CSMD1: variants seen among roughly 807,000 people sequenced by gnomAD.
CSMD1 encodes the protein CUB and Sushi multiple domains 1.
Under a neutral mutation model 417.5 loss-of-function variants are expected in CSMD1, and 213 were observed. The observed-to-expected ratio is 0.51, with a 90% CI of 0.46 to 0.57. CSMD1 has a LOEUF of 0.57. Among genes scored for constraint, CSMD1 ranks in the 20% least tolerant of loss-of-function variants. The pLI is 0.00. For missense variants in CSMD1, 6,923 were observed against 4,529.7 expected (o/e 1.53, Z -15.17); for synonymous variants, 2,862 against 1,736.8 (o/e 1.65, Z -16.11).
chr8:3,563,113 T>C (rs1799540722), intron 10 of CSMD1, among the ~76,000 whole-genome samples: 1 of 152,102 alleles, frequency 6.6e-6, no homozygotes, highest in South Asian at 2.1e-4. Context: ...TTTATAAATA[T>C]TTTCAAGAAT....
chr8:4,824,897 G>A (rs1479258812), intron 1 of CSMD1, among the ~76,000 whole-genome samples: 1 of 152,072 alleles, frequency 6.6e-6, no homozygotes, highest in Non-Finnish European at 1.5e-5. Flanking sequence ...AGGGTAATGG[G>A]CTGTTACTGC....
At chr8:4,866,522 A>T (rs532383517) in intron 1 of CSMD1, among the ~76,000 whole-genome samples, 4 of 151,864 alleles carry the variant, frequency 2.6e-5, no homozygotes, top group Admixed American at 6.6e-5. Flanking sequence ...TCCCCACAAC[A>T]TAAGTGTTAT....
intron 40 of CSMD1, among the ~76,000 whole-genome samples, chr8:3,145,509 T>A (rs1223188263): frequency 1.3e-5 from 2 of 152,174 alleles, no homozygotes; most frequent in Admixed American, 6.5e-5. Context: ...TGATTTGGAA[T>A]TCAGTTTGAA....
rs543648492 is a variant in CSMD1, at chr8:4,532,006, C to G, written c.302+105336G>C. 3.4e-5 allele frequency among the ~76,000 whole-genome samples: 5 copies of G among 148,550 alleles called. No individual in the cohort carries two copies. The South Asian group carries it at 1.1e-3, about 33-fold the overall frequency. Reference sequence around the variant, plus strand: ...GAAAGAGAAATCCTGCACCCCCATTCAGTCACTCCGGAAGAGAAATCCTGC... The same window carrying G: ...GAAAGAGAAATCCTGCACCCCCATTGAGTCACTCCGGAAGAGAAATCCTGC... On this transcript the variant is annotated intron_variant, in intron 2 of 69. Coordinates refer to ENST00000635120, the MANE Select transcript of CSMD1 (RefSeq NM_033225.6).
intron 3 of CSMD1, among the ~76,000 whole-genome samples, chr8:4,126,676 T>A (rs546507740): frequency 1.3e-5 from 2 of 152,190 alleles, no homozygotes; most frequent in African/African-American, 4.8e-5. Context: ...ATTCTGAGGG[T>A]TTATTAATCA....
chr8:3,078,860 G>A (rs1303656294), intron 49 of CSMD1, among the ~76,000 whole-genome samples: 1 of 152,132 alleles, frequency 6.6e-6, no homozygotes, highest in African/African-American at 2.4e-5. Context: ...ACACTCCTGG[G>A]TGCAGACATG....
intron 2 of CSMD1, among the ~76,000 whole-genome samples, chr8:4,436,216 A>G (rs1053967646): frequency 4.6e-5 from 7 of 152,186 alleles, no homozygotes; most frequent in Admixed American, 1.3e-4. Context: ...TATGCCTCAT[A>G]TTAACTTATT....
intron 5 of CSMD1, among the ~76,000 whole-genome samples, chr8:3,805,711 C>A (rs1223362320): frequency 6.6e-6 from 1 of 152,012 alleles, no homozygotes; most frequent in Non-Finnish European, 1.5e-5. Context: ...TCCTATCTTT[C>A]TTCTTTTTTT....
At chr8:4,399,390 C>T (rs1804492153) in intron 3 of CSMD1, among the ~76,000 whole-genome samples, 8 of 152,172 alleles carry the variant, frequency 5.3e-5, no homozygotes, top group Admixed American at 5.2e-4. Context: ...GAGTTTCAAA[C>T]ATAGGCAAGG....
chr8:3,351,871 A>G (rs1284420822), intron 21 of CSMD1, among the ~76,000 whole-genome samples: 1 of 151,840 alleles, frequency 6.6e-6, no homozygotes, highest in East Asian at 1.9e-4. Flanking sequence ...GACGATTAAC[A>G]TAGAATCACA....
Position 3,861,326 on chromosome 8 carries a change from A to G in CSMD1, c.819-107284T>C, listed in dbSNP as rs919300118. 1.6e-4 allele frequency among the ~76,000 whole-genome samples: 24 copies of G among 152,230 alleles called. 1 individual carries two copies. The highest frequency in any genetic ancestry group is 5.1e-4 in the African/African-American group (21 of 41,454). ...ACATGAATATTTTATCTTGGCTGGC[A>G]TAACTGCCGGGCTCCACAACTCTGA... On this transcript the variant is annotated intron_variant, in intron 5 of 69. Transcript: ENST00000635120.
rs574619538 is a variant in CSMD1 at position 4,601,194 on chromosome 8, A to G, written c.302+36148T>C. ...GGTCTCGAACTCCTAACCTCAGATG[A>G]TCCCCCACACTTTGGCCGCCCAAAG... On this transcript the variant is annotated intron_variant, in intron 2 of 69. Transcript: ENST00000635120. Among the ~76,000 whole-genome samples, 4 of 152,174 alleles carry G rather than the reference A, an allele frequency of 2.6e-5. No individual in the cohort carries two copies. The South Asian group carries it at 8.3e-4, about 32-fold the overall frequency.
intron 2 of CSMD1, among the ~76,000 whole-genome samples, chr8:4,612,086 G>C (rs548490311): frequency 6.6e-6 from 1 of 152,110 alleles, no homozygotes; most frequent in Non-Finnish European, 1.5e-5. Flanking sequence ...AAGAGTGCTG[G>C]GAAGAGGAGG....
chr8:3,323,234 C>G (rs183222901), intron 23 of CSMD1, among the ~76,000 whole-genome samples: 4 of 152,332 alleles, frequency 2.6e-5, no homozygotes, highest in Admixed American at 2.0e-4. Flanking sequence ...AAACCTAACA[C>G]AAATGACAAG....
chr8:4,441,653 G>C lies in CSMD1; in HGVS notation c.303-21588C>G, dbSNP rs74299153. 3.6e-3 allele frequency among the ~76,000 whole-genome samples: 541 copies of C among 152,184 alleles called. 26 individuals carry two copies. In the East Asian group the frequency reaches 0.093, roughly 26 times the overall value. On this transcript the variant is annotated intron_variant, in intron 2 of 69. Coordinates refer to ENST00000635120, the MANE Select transcript of CSMD1 (RefSeq NM_033225.6). ...GTATTTAATTTTATTTCACAGAAAA[G>C]TCACATTTTTTTCTAAAATATTTAC...
chr8:3,454,355 A>G (rs1177604592), intron 12 of CSMD1, among the ~76,000 whole-genome samples: 1 of 152,168 alleles, frequency 6.6e-6, no homozygotes, highest in Non-Finnish European at 1.5e-5. Context: ...TTCAGTTATT[A>G]TGATGTTAGC....
chr8:3,336,880 G>C (rs1461279916), intron 23 of CSMD1, among the ~76,000 whole-genome samples: 1 of 152,168 alleles, frequency 6.6e-6, no homozygotes, highest in Non-Finnish European at 1.5e-5. Context: ...GAGATGGTCA[G>C]ATCCTAGTCC....
At chr8:4,360,618 T>C (rs1267863958) in intron 3 of CSMD1, among the ~76,000 whole-genome samples, 2 of 149,890 alleles carry the variant, frequency 1.3e-5, no homozygotes, top group African/African-American at 5.1e-5. Flanking sequence ...GCCTCCAGAG[T>C]AGCTGAGACT....
At chr8:3,441,868 G>C (rs1010243547) in intron 12 of CSMD1, among the ~76,000 whole-genome samples, 4 of 151,970 alleles carry the variant, frequency 2.6e-5, no homozygotes, top group African/African-American at 9.7e-5. Flanking sequence ...ACTGTAAACA[G>C]CCTTAGGCAG....
Sources: gnomAD v4.1 joint callset for allele counts (sites outside exome capture counted in the v4.1 genomes callset) on GRCh38, gnomAD v4.1.1 for gene constraint, MANE v1.5 for transcripts, NCBI Gene and HGNC (gene_info 2026-07-23, HGNC 2026-07-21) for gene names.